The following THNSL1 variants were observed in gnomAD, a reference collection of about 807,000 sequenced individuals.
THNSL1 encodes threonine synthase like 1, also known as threonine synthase-like 1.
A neutral mutation model predicts 50.4 loss-of-function variants in THNSL1; 48 were observed. That is an observed-to-expected ratio of 0.95 (90% CI 0.76 to 1.21). The LOEUF (loss-of-function observed/expected upper bound fraction) is 1.21. Ranked by LOEUF, THNSL1 falls within the 50% of genes most tolerant of loss-of-function variation. The pLI is 0.00. For missense variants in THNSL1, 896 were observed against 871.7 expected (o/e 1.03, Z -0.35); for synonymous variants, 309 against 306.1 (o/e 1.01, Z -0.10).
intron 2 of THNSL1, among the ~76,000 whole-genome samples, 162 bp downstream of exon 2, chr10:25,022,070 C>T (rs1370650884): frequency 6.6e-6 from 1 of 151,964 alleles, no homozygotes; most frequent in Admixed American, 6.6e-5. Flanking sequence ...TTGCTTCTAC[C>T]AGAGAACACG....
the THNSL1 span, among the ~76,000 whole-genome samples, chr10:24,975,026 A>G: frequency 4.6e-5 from 7 of 152,320 alleles, no homozygotes; most frequent in South Asian, 1.0e-3. Context: ...TGTCATCTCA[A>G]TAATTCTGAA....
the THNSL1 span, among the ~76,000 whole-genome samples, chr10:24,997,305 T>C: frequency 6.6e-6 from 1 of 151,762 alleles, no homozygotes. Flanking sequence ...GTTGGACTCC[T>C]AGTTCTCCAG....
the THNSL1 span, among the ~76,000 whole-genome samples, chr10:24,993,436 T>C: frequency 6.6e-6 from 1 of 152,368 alleles, no homozygotes; most frequent in Admixed American, 6.5e-5. Context: ...AGTTAGACTT[T>C]GAAAGAATGT....
chr10:24,988,684 A>ATATATATATATGTG, the THNSL1 span, among the ~76,000 whole-genome samples: 1 of 9,072 alleles, frequency 1.1e-4, no homozygotes, highest in African/African-American at 4.6e-4. Flanking sequence ...ATATATATAT[A>ATATATATATATGTG]TATATATATA....
At position 25,025,072 on chromosome 10, in the gene THNSL1, G is replaced by T; in HGVS notation, c.1849G>T (p.Asp617Tyr). ...GAAACTTCAGCAGGATTTTGTAGCT[G>T]ACTGGTGCTCTGAGGGAGAGTGCCT... ...VEKLQQDFVA[D>Y]WCSEGECLAA... Residue 617 changes from aspartate to tyrosine, a missense_variant, in exon 3 of 3, where the codon GAC (aspartate) becomes TAC (tyrosine). Transcript: ENST00000376356. The T allele has an allele frequency of 6.2e-7, 1 of 1,614,184 alleles. No individual in the cohort carries two copies. Among genetic ancestry groups the T allele is most frequent in the South Asian group, 1.1e-5 (1 of 91,076 alleles).
upstream of THNSL1, among the ~76,000 whole-genome samples, chr10:25,013,856 C>T (rs565225489): frequency 9.2e-5 from 14 of 152,034 alleles, no homozygotes; most frequent in Admixed American, 2.6e-4. Flanking sequence ...GCAGGAGAAT[C>T]GCTTGAACCC....
At chr10:25,006,185 C>T in the THNSL1 span, among the ~76,000 whole-genome samples, 1 of 152,156 alleles carries the variant, frequency 6.6e-6, no homozygotes, top group African/African-American at 2.4e-5. Flanking sequence ...CAGAGCACAA[C>T]ACATTGCTGT....
chr10:25,000,122 T>C, the THNSL1 span, among the ~76,000 whole-genome samples: 1 of 152,214 alleles, frequency 6.6e-6, no homozygotes, highest in Non-Finnish European at 1.5e-5. Flanking sequence ...TTAGTTTTCA[T>C]AGATTTGGGA....
At chr10:25,022,085 A>G (rs552508979) in intron 2 of THNSL1, among the ~76,000 whole-genome samples, 177 bp downstream of exon 2, 3 of 152,278 alleles carry the variant, frequency 2.0e-5, no homozygotes, top group Non-Finnish European at 4.4e-5. Context: ...AACACGTGAT[A>G]AGCCCCACTA....
upstream of THNSL1, among the ~76,000 whole-genome samples, chr10:25,011,993 C>A (rs985563922): frequency 6.6e-6 from 1 of 152,238 alleles, no homozygotes. Context: ...GGGCCCAGGG[C>A]CTTGCTGCTT....
the THNSL1 span, among the ~76,000 whole-genome samples, chr10:24,963,101 C>T: frequency 1.3e-5 from 2 of 152,146 alleles, no homozygotes; most frequent in South Asian, 4.1e-4. Flanking sequence ...TTACAATCAG[C>T]CACAGAGTAC....
chr10:24,960,619 G>T, the THNSL1 span, among the ~76,000 whole-genome samples: 1 of 151,820 alleles, frequency 6.6e-6, no homozygotes, highest in African/African-American at 2.4e-5. Context: ...TAGAGACAGG[G>T]TTTTACCATG....
chr10:24,998,919 T>C, the THNSL1 span, among the ~76,000 whole-genome samples: 1 of 152,172 alleles, frequency 6.6e-6, no homozygotes, highest in Non-Finnish European at 1.5e-5. Flanking sequence ...ATCTAACTCA[T>C]TGCAGTCCAG....
chr10:25,020,229 T>G (rs1365695127), intron 1 of THNSL1, among the ~76,000 whole-genome samples: 1 of 149,940 alleles, frequency 6.7e-6, no homozygotes, highest in Non-Finnish European at 1.5e-5. Context: ...TGTCATAATT[T>G]TCTTTAAAAT....
At chr10:24,964,522 A>G in the THNSL1 span, among the ~76,000 whole-genome samples, 1 of 152,348 alleles carries the variant, frequency 6.6e-6, no homozygotes, top group Admixed American at 6.5e-5. Context: ...AGAGACCTGC[A>G]CTTTCTTTTT....
chr10:24,984,293 T>A, the THNSL1 span: 13 of 1,506,304 alleles, frequency 8.6e-6, no homozygotes, highest in Admixed American at 6.0e-5. Flanking sequence ...TTGGAGACAG[T>A]TTAGAGTAGC....
chr10:25,020,262 CTATATCTATATCTA>C (rs1054303239), intron 1 of THNSL1, among the ~76,000 whole-genome samples: 9 of 136,884 alleles, frequency 6.6e-5, no homozygotes, highest in African/African-American at 2.0e-4. Flanking sequence ...ATATCTATAT[CTATATCTATATCTA>C]TATATATCTA....
Position 25,024,939 on chromosome 10 carries a change from A to G in THNSL1, c.1716A>G (p.Leu572=), listed in dbSNP as rs377391207. 1.7e-5 allele frequency: 28 copies of G among 1,614,062 alleles called. No individual in the cohort carries two copies. In the African/African-American group the frequency reaches 2.3e-4, roughly 13 times the overall value. Residue 572 remains leucine (L), a synonymous_variant, in exon 3 of 3, where the codon CTA becomes CTG. Coordinates refer to ENST00000376356, the MANE Select transcript of THNSL1 (RefSeq NM_024838.5). ...TAGATATTCTCAAATCTTCAAACCT[A>G]GAACGACATTTACACTTGATGGCTA... The part of the protein sequence containing the change: ...PSIDILKSSN[L]ERHLHLMANK...
the THNSL1 span, among the ~76,000 whole-genome samples, chr10:24,962,604 C>A: frequency 6.6e-6 from 1 of 152,150 alleles, no homozygotes; most frequent in South Asian, 2.1e-4. Flanking sequence ...GTGTAACATA[C>A]ATGTTGAAAG....
Sources: gnomAD v4.1 joint callset for allele counts (sites outside exome capture counted in the v4.1 genomes callset) on GRCh38, gnomAD v4.1.1 for gene constraint, MANE v1.5 for transcripts, NCBI Gene and HGNC (gene_info 2026-07-23, HGNC 2026-07-21) for gene names.